Variants in GRIN2B observed in about 807,000 individuals in gnomAD.
The protein encoded by GRIN2B is glutamate ionotropic receptor NMDA type subunit 2B.
GRIN2B carries 5 observed loss-of-function variants against 114.5 expected under a neutral mutation model. That is an observed-to-expected ratio of 0.04 (90% CI 0.02 to 0.09). The LOEUF (loss-of-function observed/expected upper bound fraction) is 0.09, where lower values mean the gene tolerates loss of function less well. GRIN2B is among the 10% of genes least tolerant of loss of function. GRIN2B has a pLI of 1.00. For synonymous variants in GRIN2B, 787 were observed against 745.1 expected, an observed-to-expected ratio of 1.06 and a Z score of -0.92; for missense variants, 1,108 against 1,943.5, an observed-to-expected ratio of 0.57 and a Z score of 8.08.
chr12:13,751,504 C>T (rs149725535), intron 4 of GRIN2B, among the ~76,000 whole-genome samples: 30 of 152,092 alleles, frequency 2.0e-4, no homozygotes, highest in African/African-American at 6.0e-4. Flanking sequence ...GACTAAAATC[C>T]GGGGCAAACA....
intron 4 of GRIN2B, among the ~76,000 whole-genome samples, chr12:13,692,538 CA>C (rs1950223223): frequency 6.6e-6 from 1 of 151,938 alleles, no homozygotes; most frequent in Non-Finnish European, 1.5e-5. Context: ...GGTTTCCTCC[CA>C]CATCTCAAAG....
At chr12:13,687,208 G>T (rs1299990316) in intron 4 of GRIN2B, among the ~76,000 whole-genome samples, 3 of 152,210 alleles carry the variant, frequency 2.0e-5, no homozygotes, top group African/African-American at 7.2e-5. Context: ...CTAAGACAAA[G>T]ATCAACAAAA....
chr12:13,816,945 G>A (rs1864834122), intron 3 of GRIN2B, among the ~76,000 whole-genome samples: 1 of 152,116 alleles, frequency 6.6e-6, no homozygotes, highest in African/African-American at 2.4e-5. Context: ...TTAAAGAGAT[G>A]GGCCTACTAA....
chr12:13,974,684 C>G (rs1185495127), intron 2 of GRIN2B, among the ~76,000 whole-genome samples: 1 of 152,016 alleles, frequency 6.6e-6, no homozygotes, highest in Non-Finnish European at 1.5e-5. Flanking sequence ...TAGATCTTAC[C>G]TAAATATATA....
chr12:13,833,745 C>T (rs1168950695), intron 3 of GRIN2B, among the ~76,000 whole-genome samples: 1 of 152,192 alleles, frequency 6.6e-6, no homozygotes, highest in Non-Finnish European at 1.5e-5. Flanking sequence ...CCCCATTTTA[C>T]AGATGCAGAA....
intron 3 of GRIN2B, among the ~76,000 whole-genome samples, chr12:13,847,349 C>T (rs1340398555): frequency 6.6e-6 from 1 of 152,088 alleles, no homozygotes; most frequent in Non-Finnish European, 1.5e-5. Context: ...AAGAGCACTA[C>T]AAGGTCCCAC....
At chr12:13,904,717 T>G (rs1186019000) in intron 2 of GRIN2B, among the ~76,000 whole-genome samples, 1 of 152,148 alleles carries the variant, frequency 6.6e-6, no homozygotes, top group African/African-American at 2.4e-5. Flanking sequence ...ACATTTTCAC[T>G]GGTGTAAAAT....
intron 3 of GRIN2B, among the ~76,000 whole-genome samples, chr12:13,850,298 A>G (rs1158542287): frequency 6.6e-6 from 1 of 151,912 alleles, no homozygotes; most frequent in Non-Finnish European, 1.5e-5. Flanking sequence ...ACTCAATTTT[A>G]TTTTCTCCTC....
intron 2 of GRIN2B, among the ~76,000 whole-genome samples, chr12:13,936,714 G>C (rs141641627): frequency 6.6e-6 from 1 of 152,090 alleles, no homozygotes; most frequent in African/African-American, 2.4e-5. Context: ...TTTTGGACTT[G>C]GCATGTGAAA....
At chr12:13,578,389 C>G (rs1361057175) in intron 10 of GRIN2B, among the ~76,000 whole-genome samples, 1 of 152,206 alleles carries the variant, frequency 6.6e-6, no homozygotes, top group Non-Finnish European at 1.5e-5. Context: ...CTGAGAGAAT[C>G]GGTGCACCAT....
rs1948318107 is a variant in GRIN2B at position 13,544,292 on chromosome 12, T to G, written c.*18491A>C. On this transcript the variant is annotated 3_prime_UTR_variant, in exon 14 of 14. Transcript: ENST00000609686. ...ATGTTTCCAGATAGTCTTATCCTACTCAATAATAGTACTTGCTTTACCCAT... is the reference window on the plus strand; with the variant it reads ...ATGTTTCCAGATAGTCTTATCCTACGCAATAATAGTACTTGCTTTACCCAT... 1 of 152,136 alleles carries G rather than the reference T, an allele frequency of 6.6e-6. No homozygotes were observed. The highest frequency in any genetic ancestry group is 2.1e-4 in the South Asian group (1 of 4,818). 9.4% of individuals were successfully genotyped at this position (152,136 alleles called of 1,614,324 possible). A position where few individuals can be genotyped will look rare whatever the true frequency, so the allele number is the denominator to read the frequency against.
rs927325477 is a variant in GRIN2B, at chr12:13,552,381, C to T, written c.*10402G>A. 2 of 152,162 alleles carry T rather than the reference C, an allele frequency of 1.3e-5. No homozygotes were observed. Among genetic ancestry groups the T allele is most frequent in the African/African-American group, 4.8e-5 (2 of 41,426 alleles). The allele number at this position is 152,162 out of a possible 1,614,324, so 9.4% of individuals were successfully genotyped here. On this transcript the variant is annotated 3_prime_UTR_variant, in exon 14 of 14. Transcript: ENST00000609686. ...CGAAGCTATCATTGAAGCCAGTAAC[C>T]AAGGGGGAACCATGTGCCTCACATG...
intron 10 of GRIN2B, among the ~76,000 whole-genome samples, chr12:13,607,030 T>A (rs1004164078): frequency 2.0e-5 from 3 of 148,032 alleles, no homozygotes; most frequent in Non-Finnish European, 4.4e-5. Context: ...TGGGCCATGA[T>A]GTGCCCATCT....
At chr12:13,689,553 A>G (rs746379985) in intron 4 of GRIN2B, among the ~76,000 whole-genome samples, 1 of 152,080 alleles carries the variant, frequency 6.6e-6, no homozygotes, top group Non-Finnish European at 1.5e-5. Flanking sequence ...ATATCCACTC[A>G]TACCCAGATA....
chr12:13,699,636 G>A lies in GRIN2B; in HGVS notation c.1011-23777C>T, dbSNP rs530296326. ...TGGAGTCTTGCTCTGTTGCCAGGCC[G>A]GAGTGAAGTAGCATTATCTCAGCTC... On this transcript the variant is annotated intron_variant, in intron 4 of 13. Transcript: ENST00000609686. Among the ~76,000 whole-genome samples, 15 of 151,734 alleles carry A rather than the reference G, an allele frequency of 9.9e-5. No homozygotes were observed. The South Asian group carries it at 1.5e-3, about 15-fold the overall frequency.
At chr12:13,681,041 C>G (rs1950126700) in intron 4 of GRIN2B, among the ~76,000 whole-genome samples, 1 of 152,064 alleles carries the variant, frequency 6.6e-6, no homozygotes, top group African/African-American at 2.4e-5. Context: ...CATGCCACTC[C>G]AAGCTCATCT....
chr12:13,900,272 G>A (rs772731863), intron 2 of GRIN2B, among the ~76,000 whole-genome samples: 4 of 151,926 alleles, frequency 2.6e-5, no homozygotes, highest in African/African-American at 7.3e-5. Context: ...TCAGGAGTTC[G>A]AGACCAGCCT....
chr12:13,569,796 G>C, intron 12 of GRIN2B, 34 bp downstream of exon 12: 1 of 1,427,478 alleles, frequency 7.0e-7, no homozygotes, highest in Non-Finnish European at 9.7e-7. Flanking sequence ...CATCAGTAGA[G>C]GACAAATGGG....
At chr12:13,977,796 C>T (rs933471270) in intron 2 of GRIN2B, among the ~76,000 whole-genome samples, 2 of 152,180 alleles carry the variant, frequency 1.3e-5, no homozygotes, top group Admixed American at 6.5e-5. Flanking sequence ...AATGGCTTTG[C>T]ATGGTGAAAA....
Sources: gnomAD v4.1 joint callset for allele counts (sites outside exome capture counted in the v4.1 genomes callset) on GRCh38, gnomAD v4.1.1 for gene constraint, MANE v1.5 for transcripts, NCBI Gene and HGNC (gene_info 2026-07-23, HGNC 2026-07-21) for gene names.